PDGFRL: variants seen among roughly 807,000 people sequenced by gnomAD.
The protein encoded by PDGFRL is platelet-derived growth factor receptor-like protein.
A neutral mutation model predicts 37.2 loss-of-function variants in PDGFRL; 46 were observed. That is an observed-to-expected ratio of 1.24 (90% CI 0.98 to 1.58). The LOEUF (loss-of-function observed/expected upper bound fraction) is 1.58. PDGFRL is among the 40% of genes most tolerant of loss of function. The pLI is 0.00. For synonymous variants in PDGFRL, 251 were observed against 184.3 expected, an observed-to-expected ratio of 1.36 and a Z score of -2.93; for missense variants, 692 against 467.6, an observed-to-expected ratio of 1.48 and a Z score of -4.43.
At chr8:17,636,217 T>C (rs528141932) in intron 5 of PDGFRL, among the ~76,000 whole-genome samples, 31 of 152,344 alleles carry the variant, frequency 2.0e-4, no homozygotes, top group Non-Finnish European at 4.1e-4. Context: ...GTTTTTCCAC[T>C]GTTATCTTCT....
intron 4 of PDGFRL, among the ~76,000 whole-genome samples, chr8:17,629,955 C>G (rs533488017): frequency 6.6e-6 from 1 of 152,162 alleles, no homozygotes; most frequent in African/African-American, 2.4e-5. Flanking sequence ...TCAGTACTCA[C>G]TACCCACACC....
intron 4 of PDGFRL, among the ~76,000 whole-genome samples, chr8:17,632,409 C>T (rs914486740): frequency 2.3e-4 from 34 of 150,764 alleles, no homozygotes; most frequent in African/African-American, 8.3e-4. Context: ...GGTGTGATCT[C>T]GGCTCACTGC....
chr8:17,616,681 C>A (rs1804537008), intron 2 of PDGFRL, among the ~76,000 whole-genome samples: 1 of 152,150 alleles, frequency 6.6e-6, no homozygotes, highest in South Asian at 2.1e-4. Context: ...GGCCTAGAGG[C>A]TCTTGCTGGT....
chr8:17,622,265 G>A (rs1804649887), intron 3 of PDGFRL, among the ~76,000 whole-genome samples: 1 of 152,240 alleles, frequency 6.6e-6, no homozygotes. Context: ...GTCAGTAAGA[G>A]CTTTCAGGAA....
intron 2 of PDGFRL, among the ~76,000 whole-genome samples, chr8:17,607,758 A>G (rs146541743): frequency 6.6e-6 from 1 of 152,346 alleles, no homozygotes; most frequent in African/African-American, 2.4e-5. Flanking sequence ...TTTTTGGCCA[A>G]GTATTTGAAT....
At chr8:17,580,453 CA>C (rs1429671333) in intron 1 of PDGFRL, among the ~76,000 whole-genome samples, 3 of 152,092 alleles carry the variant, frequency 2.0e-5, no homozygotes, top group African/African-American at 7.3e-5. Flanking sequence ...GCATGTTTGA[CA>C]TACAAAACCA....
At chr8:17,578,628 T>C (rs2588163) in intron 1 of PDGFRL, among the ~76,000 whole-genome samples, 78,025 of 152,022 alleles carry the variant, frequency 0.51, 22,375 homozygotes, top group Non-Finnish European at 0.64. Context: ...GGGCAGGAGA[T>C]GGCCAGGCAA....
At chr8:17,634,042 T>A (rs1364254725) in intron 4 of PDGFRL, 32 bp from the exon 5 acceptor site, 2 of 1,610,298 alleles carry the variant, frequency 1.2e-6, no homozygotes, top group African/African-American at 1.3e-5. Flanking sequence ...ACACTCGGGG[T>A]CTCACTCTGC....
chr8:17,629,870 C>T (rs544864804), intron 4 of PDGFRL, among the ~76,000 whole-genome samples: 1 of 152,188 alleles, frequency 6.6e-6, no homozygotes, highest in Non-Finnish European at 1.5e-5. Flanking sequence ...CCACAGTCCT[C>T]ACCTGCACCC....
chr8:17,577,036 C>T, upstream of PDGFRL: 1 of 632,118 alleles, frequency 1.6e-6, no homozygotes. Context: ...GTGCTGCGCA[C>T]CGCGGCTCCG....
chr8:17,623,175 G>C (rs1804665479), intron 3 of PDGFRL, among the ~76,000 whole-genome samples: 1 of 152,140 alleles, frequency 6.6e-6, no homozygotes, highest in Admixed American at 6.5e-5. Flanking sequence ...GCACAATAAG[G>C]AGCCAAACCT....
At chr8:17,623,935 A>G (rs1804684600) in intron 3 of PDGFRL, among the ~76,000 whole-genome samples, 2 of 149,414 alleles carry the variant, frequency 1.3e-5, no homozygotes, top group African/African-American at 4.9e-5. Context: ...TTTTTTTTTT[A>G]ACTGAACTAA....
intron 1 of PDGFRL, among the ~76,000 whole-genome samples, chr8:17,581,762 T>A (rs1288544093): frequency 6.6e-6 from 1 of 152,178 alleles, no homozygotes. Context: ...TGGAAGCAGA[T>A]GTTGGTTCCA....
chr8:17,582,329 C>T (rs1428346561), intron 1 of PDGFRL, among the ~76,000 whole-genome samples: 1 of 152,114 alleles, frequency 6.6e-6, no homozygotes, highest in African/African-American at 2.4e-5. Context: ...GTGGCTCACG[C>T]CTGTAATCCC....
chr8:17,602,703 C>T lies in PDGFRL; in HGVS notation c.353+12938C>T, dbSNP rs138482290. ...GGAAAGGAGAGCTCTGTTGGAAGAGCGTAACTGCAGGATGCTCTTGGAGTT... is the reference window on the plus strand; with the variant it reads ...GGAAAGGAGAGCTCTGTTGGAAGAGTGTAACTGCAGGATGCTCTTGGAGTT... On this transcript the variant is annotated intron_variant, in intron 2 of 5. Transcript: ENST00000251630. Among the ~76,000 whole-genome samples, 176 of 152,166 alleles carry T rather than the reference C, an allele frequency of 1.2e-3. 1 individual carries two copies. The highest frequency in any genetic ancestry group is 4.0e-3 in the African/African-American group (167 of 41,522).
intron 2 of PDGFRL, among the ~76,000 whole-genome samples, chr8:17,595,417 G>A (rs1804030922): frequency 6.6e-6 from 1 of 152,176 alleles, no homozygotes; most frequent in South Asian, 2.1e-4. Flanking sequence ...TCGGGTAGGG[G>A]CCATGCCCCA....
chr8:17,635,797 T>G (rs1804960526), intron 5 of PDGFRL, among the ~76,000 whole-genome samples: 2 of 152,214 alleles, frequency 1.3e-5, no homozygotes, highest in Non-Finnish European at 2.9e-5. Flanking sequence ...TATTTTTTAA[T>G]TTTTAAATTA....
At chr8:17,597,005 C>A (rs1301074814) in intron 2 of PDGFRL, among the ~76,000 whole-genome samples, 1 of 151,130 alleles carries the variant, frequency 6.6e-6, no homozygotes, top group Non-Finnish European at 1.5e-5. Flanking sequence ...TCCAACAAAG[C>A]CTTGTAGTTT....
chr8:17,578,421 G>A (rs1803634783), intron 1 of PDGFRL, among the ~76,000 whole-genome samples: 1 of 152,196 alleles, frequency 6.6e-6, no homozygotes, highest in Non-Finnish European at 1.5e-5. Flanking sequence ...AGTTGAGCAT[G>A]AGGGTCCTTC....
Sources: gnomAD v4.1 joint callset for allele counts (sites outside exome capture counted in the v4.1 genomes callset) on GRCh38, gnomAD v4.1.1 for gene constraint, MANE v1.5 for transcripts, NCBI Gene and HGNC (gene_info 2026-07-23, HGNC 2026-07-21) for gene names.